CAMK1D: variants seen among roughly 807,000 people sequenced by gnomAD.
CAMK1D encodes calcium/calmodulin-dependent protein kinase type 1D.
A neutral mutation model predicts 47.7 loss-of-function variants in CAMK1D; 9 were observed. The ratio of observed to expected loss-of-function variants is 0.19; its 90% CI spans 0.11 to 0.33. The LOEUF is 0.33. CAMK1D is among the 10% of genes least tolerant of loss of function. The pLI, the probability that CAMK1D is intolerant of heterozygous loss-of-function variation, is 1.00. For missense variants in CAMK1D, 291 were observed against 488.7 expected (o/e 0.60, Z 3.81); for synonymous variants, 184 against 184.9 (o/e 0.99, Z 0.04).
At chr10:12,686,158 A>G (rs1160935041) in intron 3 of CAMK1D, among the ~76,000 whole-genome samples, 1 of 152,146 alleles carries the variant, frequency 6.6e-6, no homozygotes, top group Non-Finnish European at 1.5e-5. Flanking sequence ...GGAAGTTAAC[A>G]TTGTTCACAC....
At chr10:12,734,012 C>T (rs1423991281) in intron 3 of CAMK1D, among the ~76,000 whole-genome samples, 1 of 151,882 alleles carries the variant, frequency 6.6e-6, no homozygotes, top group Non-Finnish European at 1.5e-5. Context: ...TTGTGCTTCC[C>T]CTGAGCAGTG....
intron 3 of CAMK1D, among the ~76,000 whole-genome samples, chr10:12,701,587 A>G (rs145037926): frequency 6.2e-4 from 94 of 152,244 alleles, no homozygotes; most frequent in Admixed American, 2.8e-3. Flanking sequence ...CTTAAGTGAC[A>G]TGTCTGTGAT....
intron 1 of CAMK1D, among the ~76,000 whole-genome samples, chr10:12,480,692 G>A (rs1017781640): frequency 1.3e-5 from 2 of 152,198 alleles, no homozygotes; most frequent in Non-Finnish European, 2.9e-5. Context: ...CCAAGGCCGT[G>A]TAGGTGATGA....
chr10:12,825,440 C>T, intron 9 of CAMK1D, 133 bp from the exon 10 acceptor site: 3 of 797,518 alleles, frequency 3.8e-6, no homozygotes, highest in Admixed American at 6.5e-5. Context: ...ATAAGCTTTC[C>T]TTCTTGAGTA....
At chr10:12,645,389 G>A (rs943990432) in intron 2 of CAMK1D, among the ~76,000 whole-genome samples, 1 of 152,130 alleles carries the variant, frequency 6.6e-6, no homozygotes, top group African/African-American at 2.4e-5. Flanking sequence ...TTGATCATAA[G>A]CAACAAAGTA....
intron 3 of CAMK1D, among the ~76,000 whole-genome samples, chr10:12,728,428 C>T (rs945054100): frequency 5.9e-5 from 9 of 152,186 alleles, no homozygotes; most frequent in African/African-American, 2.2e-4. Context: ...GAGCCCTTAG[C>T]TGGGAGTAAT....
intron 1 of CAMK1D, among the ~76,000 whole-genome samples, chr10:12,403,343 C>T (rs1157971956): frequency 1.3e-5 from 2 of 152,224 alleles, no homozygotes; most frequent in African/African-American, 4.8e-5. Flanking sequence ...GGACGTTGTT[C>T]ACCCCTTCAT....
intron 1 of CAMK1D, among the ~76,000 whole-genome samples, chr10:12,451,159 T>C (rs535288859): frequency 9.2e-5 from 14 of 152,314 alleles, no homozygotes; most frequent in Non-Finnish European, 1.5e-5. Context: ...AAAGTTCCAT[T>C]GGAGGACTGG....
At chr10:12,359,428 ACT>A (rs35748307) in intron 1 of CAMK1D, among the ~76,000 whole-genome samples, 50,846 of 151,654 alleles carry the variant, frequency 0.34, 8,924 homozygotes, top group Admixed American at 0.41. Context: ...TAAGCAAAAG[ACT>A]CTGCCTGAAA....
At chr10:12,591,247 A>AACC (rs1252762025) in intron 2 of CAMK1D, among the ~76,000 whole-genome samples, 2 of 152,172 alleles carry the variant, frequency 1.3e-5, no homozygotes, top group Non-Finnish European at 2.9e-5. Flanking sequence ...CAGTCCAGGA[A>AACC]ACCAACCAAT....
In CAMK1D at chr10:12,487,226, TG is replaced by T. The variant is rs1162988710; in HGVS notation, c.93-65998del. Among the ~76,000 whole-genome samples the T allele has an allele frequency of 4.6e-5, 7 of 152,338 alleles. No homozygotes were observed. The East Asian group carries it at 1.2e-3, about 25-fold the overall frequency. On this transcript the variant is annotated intron_variant, in intron 1 of 10. Transcript: ENST00000619168. ...AGCTGTCCCTCGCATTATGTTCATA[TG>T]TTCTCATCATTTTAGGAGCTAAATT... is the stretch of plus-strand genomic sequence containing the variant.
chr10:12,580,358 T>A lies in CAMK1D; in HGVS notation c.224+27002T>A, dbSNP rs1197244244. Among the ~76,000 whole-genome samples, 28 of 134,866 alleles carry A rather than the reference T, an allele frequency of 2.1e-4. No individual in the cohort carries two copies. The East Asian group carries it at 3.9e-3, about 19-fold the overall frequency. The allele number at this position is 134,866 out of a possible 152,430, so 88.5% of individuals were successfully genotyped here. On this transcript the variant is annotated intron_variant, in intron 2 of 10. Transcript: ENST00000619168. ...CCTTCCTTTTTTTTTTTTTTTTTTT[T>A]AATATAGCTTTAATGGGAGACTGGA... is the stretch of plus-strand genomic sequence containing the variant.
intron 2 of CAMK1D, among the ~76,000 whole-genome samples, chr10:12,644,921 G>A (rs1168872264): frequency 6.6e-6 from 1 of 151,968 alleles, no homozygotes; most frequent in Non-Finnish European, 1.5e-5. Flanking sequence ...TTCATGTTAG[G>A]AATAGATGAC....
chr10:12,510,847 A>G (rs1477741768), intron 1 of CAMK1D, among the ~76,000 whole-genome samples: 1 of 152,202 alleles, frequency 6.6e-6, no homozygotes, highest in Non-Finnish European at 1.5e-5. Flanking sequence ...GCAGATCGAC[A>G]AGCCTGGAAA....
chr10:12,389,192 G>A (rs1046486421), intron 1 of CAMK1D, among the ~76,000 whole-genome samples: 1 of 105,050 alleles, frequency 9.5e-6, no homozygotes, highest in Non-Finnish European at 2.3e-5. Context: ...GTGGCGTGGG[G>A]GTGTGTGTGG....
At chr10:12,432,900 C>T (rs1283314052) in intron 1 of CAMK1D, among the ~76,000 whole-genome samples, 1 of 152,228 alleles carries the variant, frequency 6.6e-6, no homozygotes, top group Non-Finnish European at 1.5e-5. Flanking sequence ...GGAGCTGCTG[C>T]ACAGCACAGG....
At chr10:12,631,684 A>T (rs1006047746) in intron 2 of CAMK1D, among the ~76,000 whole-genome samples, 11 of 139,630 alleles carry the variant, frequency 7.9e-5, no homozygotes, top group Admixed American at 5.8e-4. Flanking sequence ...TTCCCACGTT[A>T]ATCCTTTTTT....
chr10:12,376,834 A>G lies in CAMK1D; in HGVS notation c.92+26924A>G, dbSNP rs754960227. The stretch of plus-strand genomic sequence containing the variant: ...AGTGGCGTGATCTCGGCTCACTGCA[A>G]TCTCCACCCTCTGCCTCCTAGGTTC... On this transcript the variant is annotated intron_variant, in intron 1 of 10. Transcript: ENST00000619168. Among the ~76,000 whole-genome samples, 9 of 151,074 alleles carry G rather than the reference A, an allele frequency of 6.0e-5. No individual in the cohort carries two copies. In the South Asian group the frequency reaches 6.3e-4, roughly 11 times the overall value.
chr10:12,797,702 A>C (rs769720805), intron 6 of CAMK1D, among the ~76,000 whole-genome samples: 2 of 152,144 alleles, frequency 1.3e-5, no homozygotes, highest in African/African-American at 2.4e-5. Context: ...GGTTTTCAGA[A>C]AGGACCTCGT....
Sources: allele counts gnomAD v4.1 joint callset (sites outside exome capture counted in the v4.1 genomes callset), GRCh38; gene constraint gnomAD v4.1.1; transcripts MANE v1.5; gene names NCBI Gene and HGNC (gene_info 2026-07-23, HGNC 2026-07-21).